SCN2A: variants seen among roughly 807,000 people sequenced by gnomAD.
SCN2A encodes the protein sodium voltage-gated channel alpha subunit 2.
Under a neutral mutation model 188.7 loss-of-function variants are expected in SCN2A, and 20 were observed. The ratio of observed to expected loss-of-function variants is 0.11; its 90% CI spans 0.07 to 0.15. The LOEUF (loss-of-function observed/expected upper bound fraction) is 0.15. SCN2A is among the 10% of genes least tolerant of loss of function. The pLI is 1.00. For synonymous variants in SCN2A, 804 were observed against 833.1 expected (o/e 0.97, Z 0.60); for missense variants, 1,278 against 2,445.0 (o/e 0.52, Z 10.07).
intron 1 of SCN2A, chr2:165,269,574 CACTT>C (rs1250847806): frequency 6.6e-6 from 1 of 151,958 alleles, no homozygotes; most frequent in East Asian, 1.9e-4. Context: ...ACACGTAAAA[CACTT>C]AAGACAATTC....
Position 165,316,081 on chromosome 2 carries a change from G to A in SCN2A, c.1671+323G>A, listed in dbSNP as rs78374996. On this transcript the variant is annotated intron_variant, in intron 11 of 26. Transcript: ENST00000375437. ...TCCCATCTCTTCTTAACTATTGTGC[G>A]TGGATCTAGTGAACTTTGGGTTTTC... 1.6e-4 allele frequency among the ~76,000 whole-genome samples: 24 copies of A among 152,270 alleles called. No individual in the cohort carries two copies. In the East Asian group the frequency reaches 4.1e-3, roughly 26 times the overall value.
chr2:165,241,963 C>T (rs1395213345), intron 1 of SCN2A, among the ~76,000 whole-genome samples: 2 of 151,996 alleles, frequency 1.3e-5, no homozygotes, highest in Admixed American at 6.6e-5. Context: ...CTATAGGCAT[C>T]GTATAGGGAA....
At chr2:165,355,092 G>A (rs545598753) in intron 17 of SCN2A, among the ~76,000 whole-genome samples, 16 of 152,174 alleles carry the variant, frequency 1.1e-4, no homozygotes, top group Middle Eastern at 3.4e-3. Context: ...TAATTCTTAC[G>A]AAATACGTCA....
intron 1 of SCN2A, among the ~76,000 whole-genome samples, chr2:165,246,735 T>C (rs964060766): frequency 6.6e-6 from 1 of 152,086 alleles, no homozygotes; most frequent in African/African-American, 2.4e-5. Flanking sequence ...CCCACCTTAC[T>C]TCCTGCCTGC....
chr2:165,288,214 G>T (rs1443184923), intron 1 of SCN2A, among the ~76,000 whole-genome samples: 1 of 152,102 alleles, frequency 6.6e-6, no homozygotes, highest in Non-Finnish European at 1.5e-5. Context: ...TTGTTTAATG[G>T]ATGCTTTGTG....
chr2:165,365,439 G>GTTTT (rs3835935), intron 18 of SCN2A, among the ~76,000 whole-genome samples, 176 bp downstream of exon 18: 1 of 147,508 alleles, frequency 6.8e-6, no homozygotes, highest in African/African-American at 2.5e-5. Context: ...ACATTTATTT[G>GTTTT]TTTTTTTTTG....
intron 1 of SCN2A, among the ~76,000 whole-genome samples, chr2:165,281,702 T>C (rs1178369015): frequency 1.3e-5 from 2 of 152,050 alleles, no homozygotes; most frequent in East Asian, 3.9e-4. Context: ...GGCTACCACA[T>C]TGAGAATAAA....
rs557989282 is a variant in SCN2A, at chr2:165,268,096, ATACCT to A, written c.-51-27676_-51-27672del. On this transcript the variant is annotated intron_variant, in intron 1 of 26. Coordinates refer to ENST00000375437, the MANE Select transcript of SCN2A (RefSeq NM_001040142.2). Reference sequence around the variant, plus strand: ...ATCCAGTAATTCTACTTCTGGGTATATACCTAGACATTCAAAGAAGAATTGGTACC... The same window carrying A: ...ATCCAGTAATTCTACTTCTGGGTATAAGACATTCAAAGAAGAATTGGTACC... The A allele has an allele frequency of 9.9e-5, 15 of 152,100 alleles. 1 individual carries two copies. The East Asian group carries it at 2.9e-3, about 29-fold the overall frequency. The allele number at this position is 152,100 out of a possible 1,614,324, so 9.4% of individuals were successfully genotyped here.
intron 3 of SCN2A, among the ~76,000 whole-genome samples, chr2:165,305,579 AG>A (rs1697075278): frequency 6.6e-6 from 1 of 151,010 alleles, no homozygotes; most frequent in African/African-American, 2.4e-5. Context: ...GGCATGAAGA[AG>A]CCAGGGAATT....
Position 165,297,039 on chromosome 2 carries a change from G to A in SCN2A, c.290G>A (p.Gly97Glu). The A allele has an allele frequency of 6.2e-7, 1 of 1,607,124 alleles. No homozygotes were observed. Among genetic ancestry groups the A allele is most frequent in the South Asian group, 1.1e-5 (1 of 90,722 alleles). Residue 97 changes from glycine to glutamate, a missense_variant, in exon 3 of 27, where the codon GGG becomes GAG. Gly to Glu is a moderately conservative substitution (Grantham distance 98). Coordinates refer to ENST00000375437, the MANE Select transcript of SCN2A (RefSeq NM_001040142.2). The part of the protein sequence containing the change: ...NKKTFIVLNK[G>E]KAISRFSATP... ...CAGACGTTTATAGTATTGAATAAAG[G>A]GAAAGCAATCTCTCGATTCAGTGCC...
chr2:165,324,687 C>A (rs879550660), intron 12 of SCN2A, among the ~76,000 whole-genome samples: 3 of 152,200 alleles, frequency 2.0e-5, no homozygotes, highest in Admixed American at 1.3e-4. Context: ...AGCATCATAA[C>A]AACCCTTTTT....
intron 25 of SCN2A, among the ~76,000 whole-genome samples, chr2:165,381,698 TC>T (rs1481975139): frequency 6.6e-6 from 1 of 151,942 alleles, no homozygotes; most frequent in Non-Finnish European, 1.5e-5. Context: ...CCTCATATTT[TC>T]CCCTACTATC....
intron 1 of SCN2A, among the ~76,000 whole-genome samples, chr2:165,291,094 T>G (rs1696087185): frequency 7.7e-6 from 1 of 130,562 alleles, no homozygotes; most frequent in Non-Finnish European, 1.5e-5. Flanking sequence ...CAGGCTGGAG[T>G]GCAGTGGCAT....
chr2:165,386,698 A>AT (rs768687355), intron 25 of SCN2A, 48 bp from the exon 26 acceptor site: 83 of 1,567,790 alleles, frequency 5.3e-5, no homozygotes, highest in African/African-American at 2.2e-4. Flanking sequence ...ATTGAATTCG[A>AT]TTTTTTTTAA....
chr2:165,252,142 T>C (rs1399862281), intron 1 of SCN2A, among the ~76,000 whole-genome samples: 1 of 151,576 alleles, frequency 6.6e-6, no homozygotes, highest in African/African-American at 2.4e-5. Context: ...GAAAAAAAAA[T>C]AGAAGCAAGT....
intron 3 of SCN2A, among the ~76,000 whole-genome samples, chr2:165,303,973 A>G (rs1696980414): frequency 6.6e-6 from 1 of 152,232 alleles, no homozygotes; most frequent in Non-Finnish European, 1.5e-5. Flanking sequence ...TATAAAGAGT[A>G]AGTTTTTAAG....
rs774496115 is a variant in SCN2A, at chr2:165,323,137, C to A, written c.1672-19C>A. On this transcript the variant is annotated intron_variant, in intron 11 of 26. Transcript: ENST00000375437. ...AACTCTCTTCATCTCATTTTTGTTTCTTCTCTTGTTATTCATAGTCCTTAC... is the reference window on the plus strand; with the variant it reads ...AACTCTCTTCATCTCATTTTTGTTTATTCTCTTGTTATTCATAGTCCTTAC... 6.2e-7 allele frequency: 1 copy of A among 1,608,564 alleles called. No homozygotes were observed. Among genetic ancestry groups the A allele is most frequent in the Non-Finnish European group, 8.5e-7 (1 of 1,176,140 alleles).
Position 165,375,051 on chromosome 2 carries a change from T to A in SCN2A, c.4254+85T>A. Reference sequence around the variant, plus strand: ...TTCCTCATAATGAGATATCCACCTGTTAGAATGGCTATTATCAAACAGATA... The same window carrying A: ...TTCCTCATAATGAGATATCCACCTGATAGAATGGCTATTATCAAACAGATA... On this transcript the variant is annotated intron_variant, in intron 22 of 26. Transcript: ENST00000375437. 3.5e-6 allele frequency: 4 copies of A among 1,139,886 alleles called. No homozygotes were observed. In the South Asian group the frequency reaches 5.3e-5, roughly 15 times the overall value. The allele number at this position is 1,139,886 out of a possible 1,614,324, so 70.6% of individuals were successfully genotyped here.
Position 165,389,384 on chromosome 2 carries a change from G to A in SCN2A, c.5578G>A (p.Ala1860Thr). ...GATCCACTGTCTTGACATCTTATTT[G>A]CTTTTACAAAGCGTGTTTTGGGTGA... ...DRIHCLDILFAFTKRVLGESG... is the reference protein window; with the variant it reads ...DRIHCLDILFTFTKRVLGESG... Residue 1860 changes from alanine (A) to threonine (T), a missense_variant, in exon 27 of 27, where the codon GCT (alanine) becomes ACT (threonine). Ala to Thr is a moderately conservative substitution (Grantham distance 58). This residue lies in a region of SCN2A where 54 missense variants were observed against 135.4 expected (regional missense o/e 0.40). Coordinates refer to ENST00000375437, the MANE Select transcript of SCN2A (RefSeq NM_001040142.2). The surrounding 1 kb of genome is among the most constrained non-coding windows in gnomAD (Gnocchi z 4.2). 8.7e-6 allele frequency: 14 copies of A among 1,613,984 alleles called. No homozygotes were observed. Among genetic ancestry groups the A allele is most frequent in the Non-Finnish European group, 1.2e-5 (14 of 1,179,976 alleles).
Sources: gnomAD v4.1 joint callset for allele counts (sites outside exome capture counted in the v4.1 genomes callset) on GRCh38, gnomAD v4.1.1 for gene constraint, gnomAD v4.1.1 regional missense constraint, Gnocchi (gnomAD v3.1) non-coding constraint, MANE v1.5 for transcripts, NCBI Gene and HGNC (gene_info 2026-07-23, HGNC 2026-07-21) for gene names.